The following TRIOBP variants were observed in gnomAD, a reference collection of about 807,000 sequenced individuals.
TRIOBP encodes the protein TRIO and F-actin-binding protein.
A neutral mutation model predicts 238.8 loss-of-function variants in TRIOBP; 169 were observed. The ratio of observed to expected loss-of-function variants is 0.71; its 90% CI spans 0.62 to 0.80. TRIOBP has a LOEUF of 0.80. TRIOBP is among the 30% of genes least tolerant of loss of function. TRIOBP has a pLI of 0.00. For synonymous variants in TRIOBP, 1,150 were observed against 1,274.4 expected (o/e 0.90, Z 2.08); for missense variants, 2,838 against 3,122.6 (o/e 0.91, Z 2.17).
In TRIOBP at chr22:37,723,791, C is replaced by T; in HGVS notation, c.1235C>T (p.Pro412Leu). ...ACATCCTGTGCCCAGCGGGACAATCCCAAAGCCTCCAGAACCTCCTCTCCC... is the reference window on the plus strand; with the variant it reads ...ACATCCTGTGCCCAGCGGGACAATCTCAAAGCCTCCAGAACCTCCTCTCCC... ...SRTSCAQRDN[P>L]KASRTSSPNR... Residue 412 changes from proline to leucine, a missense_variant, in exon 7 of 24, where the codon CCC becomes CTC. Transcript: ENST00000644935. The T allele has an allele frequency of 2.8e-6, 4 of 1,419,174 alleles. No individual in the cohort carries two copies. Among genetic ancestry groups the T allele is most frequent in the Non-Finnish European group, 4.0e-6 (4 of 1,010,296 alleles). The allele number at this position is 1,419,174 out of a possible 1,614,324, so 87.9% of individuals were successfully genotyped here.
chr22:37,709,556 GCCACCA>G (rs1923127766), intron 3 of TRIOBP, among the ~76,000 whole-genome samples: 1 of 152,180 alleles, frequency 6.6e-6, no homozygotes, highest in African/African-American at 2.4e-5. Flanking sequence ...ACAGTCGACA[GCCACCA>G]CCACCACCAG....
chr22:37,748,579 T>TA (rs60098168), intron 11 of TRIOBP, among the ~76,000 whole-genome samples: 145,067 of 151,462 alleles, frequency 0.96, 69,487 homozygotes, highest in East Asian at 1. Context: ...CTGATAACTT[T>TA]AAAAAAAAAT....
intron 9 of TRIOBP, among the ~76,000 whole-genome samples, chr22:37,737,755 C>T (rs922771762): frequency 2.6e-5 from 4 of 152,060 alleles, no homozygotes; most frequent in African/African-American, 9.7e-5. Context: ...GAGCTGGCTG[C>T]AGGGCCTGTG....
chr22:37,715,028 T>C (rs1187184162), intron 5 of TRIOBP, among the ~76,000 whole-genome samples: 1 of 152,158 alleles, frequency 6.6e-6, no homozygotes, highest in Non-Finnish European at 1.5e-5. Flanking sequence ...ATTTTATTTA[T>C]TTTTGAGATG....
intron 11 of TRIOBP, among the ~76,000 whole-genome samples, chr22:37,741,293 T>C (rs1438455857): frequency 6.6e-6 from 1 of 152,182 alleles, no homozygotes; most frequent in African/African-American, 2.4e-5. Context: ...TCTACACAGC[T>C]GAAAGCTTCC....
rs1926089044 is a variant in TRIOBP at position 37,758,836 on chromosome 22, A to G, written c.6214-318A>G. Among the ~76,000 whole-genome samples, 3 of 152,300 alleles carry G rather than the reference A, an allele frequency of 2.0e-5. No homozygotes were observed. In the South Asian group the frequency reaches 6.2e-4, roughly 32 times the overall value. ...TTTACTGACGGGAAAACTGAGGCTC[A>G]AAGATGTTTCCTCTGTCACCTCCAT... is the stretch of plus-strand genomic sequence containing the variant. On this transcript the variant is annotated intron_variant, in intron 16 of 23. Transcript: ENST00000644935.
At chr22:37,759,862 G>A (rs1397487231) in intron 17 of TRIOBP, 1 of 803,464 alleles carries the variant, frequency 1.2e-6, no homozygotes, top group East Asian at 5.5e-5. Flanking sequence ...AAACGTGTGT[G>A]TGTACACATA....
chr22:37,758,255 TCTG>T (rs1926051698), intron 16 of TRIOBP, 117 bp downstream of exon 16: 2 of 1,336,124 alleles, frequency 1.5e-6, no homozygotes, highest in Admixed American at 3.9e-5. Context: ...TCACCCCTGA[TCTG>T]CTGTGAGTGT....
intron 18 of TRIOBP, among the ~76,000 whole-genome samples, chr22:37,766,960 A>G (rs1242367146): frequency 3.0e-5 from 4 of 135,280 alleles, no homozygotes; most frequent in Non-Finnish European, 3.2e-5. Context: ...GACTCCATCA[A>G]AAAAAAAAAA....
intron 11 of TRIOBP, among the ~76,000 whole-genome samples, chr22:37,743,298 T>C (rs1380859276): frequency 2.6e-5 from 4 of 152,254 alleles, no homozygotes; most frequent in African/African-American, 4.8e-5. Context: ...AGTCGAGTTC[T>C]GGCTTGGCAC....
chr22:37,748,201 C>G (rs181343029), intron 11 of TRIOBP, among the ~76,000 whole-genome samples: 1 of 152,146 alleles, frequency 6.6e-6, no homozygotes, highest in Non-Finnish European at 1.5e-5. Context: ...GCTATGATCA[C>G]CATTAATAGT....
rs1054027128 is a variant in TRIOBP at position 37,734,454 on chromosome 22, C to T, written c.4118C>T (p.Pro1373Leu). 4 of 1,613,128 alleles carry T rather than the reference C, an allele frequency of 2.5e-6. No individual in the cohort carries two copies. The highest frequency in any genetic ancestry group is 3.4e-6 in the Non-Finnish European group (4 of 1,179,888). The change falls in exon 9 of 24, where the codon CCC becomes CTC. Residue 1373 changes from proline (P) to leucine (L), a missense_variant. Pro to Leu is a moderately conservative substitution (Grantham distance 98). Around this residue, in one of 5 missense-constraint regions of TRIOBP, gnomAD observed 2,096 missense variants for 2,137.4 expected, o/e 0.98. Coordinates refer to ENST00000644935, the MANE Select transcript of TRIOBP (RefSeq NM_001039141.3). ...CTGACCCGGCGGAGCCAAGCAGAGC[C>T]CCCTCATCCTTGGAGTCCTGAGAAG... ...AELTRRSQAE[P>L]PHPWSPEKRP...
intron 11 of TRIOBP, chr22:37,746,566 C>T: frequency 1.4e-6 from 1 of 711,736 alleles, no homozygotes. Context: ...GGGCCACCTC[C>T]GAAGCGCTTT....
In TRIOBP at chr22:37,710,497, A is replaced by G; in HGVS notation, c.185A>G (p.Asp62Gly). The change falls in exon 4 of 24, where the codon GAC becomes GGC. Residue 62 changes from aspartate (D) to glycine (G), a missense_variant. Transcript: ENST00000644935. ...DLPRCPPAPE[D>G]PLSASTSGCQ... ...CCTCGATGTCCACCTGCCCCTGAGGACCCACTCAGCGCCTCAACCTCCGGC... is the reference window on the plus strand; with the variant it reads ...CCTCGATGTCCACCTGCCCCTGAGGGCCCACTCAGCGCCTCAACCTCCGGC... 6.2e-7 allele frequency: 1 copy of G among 1,612,698 alleles called. No homozygotes were observed. Among genetic ancestry groups the G allele is most frequent in the South Asian group, 1.1e-5 (1 of 90,974 alleles).
intron 11 of TRIOBP, chr22:37,746,270 G>C (rs1208594008): frequency 1.8e-6 from 2 of 1,088,140 alleles, no homozygotes; most frequent in South Asian, 4.2e-5. Flanking sequence ...GGCAGCGTCG[G>C]GGAAAGGAAG....
At chr22:37,757,479 C>T (rs920848718) in intron 15 of TRIOBP, 134 bp from the exon 16 acceptor site, 20 of 1,231,626 alleles carry the variant, frequency 1.6e-5, no homozygotes, top group Admixed American at 1.4e-4. Context: ...AAGCTCAGGT[C>T]GGGCTGCTTC....
intron 4 of TRIOBP, 44 bp from the exon 5 acceptor site, chr22:37,713,166 G>A (rs1421459796): frequency 8.4e-6 from 13 of 1,540,546 alleles, no homozygotes; most frequent in East Asian, 2.4e-5. Flanking sequence ...GGTGGGGGAT[G>A]CTCCTAACTC....
chr22:37,767,976 T>TA, intron 18 of TRIOBP, 98 bp from the exon 19 acceptor site: 1 of 907,850 alleles, frequency 1.1e-6, no homozygotes, highest in Non-Finnish European at 1.8e-6. Context: ...GGAGTCCACA[T>TA]AGTACTCCAC....
Position 37,751,817 on chromosome 22 carries a change from G to A in TRIOBP, c.5368G>A (p.Glu1790Lys), listed in dbSNP as rs747893407. 6.8e-6 allele frequency: 11 copies of A among 1,613,970 alleles called. No homozygotes were observed. Among genetic ancestry groups the A allele is most frequent in the East Asian group, 2.2e-5 (1 of 44,872 alleles). ...GAAGGGATGGATGTCGATCTTGGAC[G>A]AGCCTGGAGAGGTAAGAGGACTGAG... Reference protein sequence around the residue: ...FKKGWMSILDEPGEPPSPSLT... With the variant: ...FKKGWMSILDKPGEPPSPSLT... Residue 1790 changes from glutamate (E) to lysine (K), a missense_variant, in exon 12 of 24, where the codon GAG becomes AAG. By Grantham distance (56) the Glu-to-Lys change is moderately conservative. Coordinates refer to ENST00000644935, the MANE Select transcript of TRIOBP (RefSeq NM_001039141.3).
Sources: allele counts gnomAD v4.1 joint callset (sites outside exome capture counted in the v4.1 genomes callset), GRCh38; gene constraint gnomAD v4.1.1; regional missense constraint gnomAD v4.1.1; transcripts MANE v1.5; gene names NCBI Gene and HGNC (gene_info 2026-07-23, HGNC 2026-07-21).